Variants in NTM observed in about 807,000 individuals in gnomAD.
NTM encodes the protein neurotrimin, also known as IgLON family member 2.
In NTM, 13 loss-of-function variants were observed where a neutral mutation model predicts 42.1. The ratio of observed to expected loss-of-function variants is 0.31; its 90% CI spans 0.20 to 0.49. The LOEUF is 0.49. NTM is among the 20% of genes least tolerant of loss of function. The probability of loss-of-function intolerance (pLI) is 0.99; values close to 1 mark genes in which losing one functional copy is unlikely to be tolerated. For synonymous variants in NTM, 187 were observed against 179.2 expected (o/e 1.04, Z -0.35); for missense variants, 373 against 452.8 (o/e 0.82, Z 1.60).
chr11:131,530,449 A>C (rs1591953402), intron 1 of NTM, among the ~76,000 whole-genome samples: 1 of 147,990 alleles, frequency 6.8e-6, no homozygotes, highest in African/African-American at 2.6e-5. Context: ...AAAAAGACTG[A>C]CCAGTTCTTT....
Position 131,765,290 on chromosome 11 carries a change from C to A in NTM, c.83-146274C>A, listed in dbSNP as rs774350865. Among the ~76,000 whole-genome samples, 32 of 152,258 alleles carry A rather than the reference C, an allele frequency of 2.1e-4. 1 individual carries two copies. In the South Asian group the frequency reaches 3.5e-3, roughly 17 times the overall value. On this transcript the variant is annotated intron_variant, in intron 1 of 8. Transcript: ENST00000683400. ...TTGCTCTGAAAGTAAAACCAACCTC[C>A]TAAATCTAAATACCTTTATGATTTG...
chr11:131,749,532 C>G (rs1205973934), intron 1 of NTM, among the ~76,000 whole-genome samples: 1 of 152,212 alleles, frequency 6.6e-6, no homozygotes, highest in Admixed American at 6.5e-5. Flanking sequence ...ACCTTGATCC[C>G]TTAGCCCCTG....
At chr11:132,004,929 G>C (rs1299301467) in intron 2 of NTM, among the ~76,000 whole-genome samples, 4 of 152,154 alleles carry the variant, frequency 2.6e-5, no homozygotes, top group Non-Finnish European at 4.4e-5. Context: ...ATTTAGAATG[G>C]ATGATATTTG....
intron 3 of NTM, among the ~76,000 whole-genome samples, chr11:132,175,832 C>T (rs1003358212): frequency 3.9e-5 from 6 of 152,188 alleles, no homozygotes; most frequent in African/African-American, 1.4e-4. Flanking sequence ...CTACCCCCAC[C>T]TCATTCTATC....
chr11:132,268,763 G>T (rs1301277738), intron 4 of NTM, among the ~76,000 whole-genome samples: 1 of 151,798 alleles, frequency 6.6e-6, no homozygotes, highest in Non-Finnish European at 1.5e-5. Flanking sequence ...CTGAGCTAAT[G>T]CTAATATTTT....
At chr11:131,511,597 T>C (rs879399352) in intron 1 of NTM, among the ~76,000 whole-genome samples, 1 of 152,158 alleles carries the variant, frequency 6.6e-6, no homozygotes, top group Non-Finnish European at 1.5e-5. Context: ...ACCCCGAGGT[T>C]ATACATATTA....
chr11:132,314,424 C>G, intron 6 of NTM, 128 bp from the exon 7 acceptor site: 1 of 1,021,842 alleles, frequency 9.8e-7, no homozygotes, highest in Non-Finnish European at 1.4e-6. Flanking sequence ...TTGAGTGGAT[C>G]AAATAATGGT....
At chr11:131,696,297 G>A (rs910581476) in intron 1 of NTM, among the ~76,000 whole-genome samples, 6 of 152,112 alleles carry the variant, frequency 3.9e-5, no homozygotes, top group African/African-American at 7.2e-5. Flanking sequence ...GTGCAAGTCC[G>A]GGAAAACAAG....
At chr11:132,332,811 C>G (rs905567987) in intron 8 of NTM, 1 of 152,258 alleles carries the variant, frequency 6.6e-6, no homozygotes. Context: ...CTGTGGCATT[C>G]TCCTCCCTGG....
At chr11:131,635,076 C>T (rs1488472700) in intron 1 of NTM, among the ~76,000 whole-genome samples, 1 of 152,144 alleles carries the variant, frequency 6.6e-6, no homozygotes, top group Non-Finnish European at 1.5e-5. Flanking sequence ...CTTGCTATTG[C>T]CTAGTGCTGT....
At chr11:131,858,334 C>T (rs1328449687) in intron 1 of NTM, among the ~76,000 whole-genome samples, 1 of 151,958 alleles carries the variant, frequency 6.6e-6, no homozygotes, top group East Asian at 1.9e-4. Flanking sequence ...CCCGCCCCCA[C>T]CCATGCACAT....
chr11:131,824,934 C>T (rs988224699), intron 1 of NTM, among the ~76,000 whole-genome samples: 9 of 152,170 alleles, frequency 5.9e-5, no homozygotes, highest in African/African-American at 2.2e-4. Flanking sequence ...AGAAGGAACA[C>T]GGCATGTACG....
intron 3 of NTM, among the ~76,000 whole-genome samples, chr11:132,208,839 C>A (rs558808648): frequency 6.6e-6 from 1 of 152,096 alleles, no homozygotes; most frequent in Non-Finnish European, 1.5e-5. Flanking sequence ...ATGGCATTGG[C>A]GTGACATAAT....
At chr11:131,470,704 C>T (rs1356881287) in intron 1 of NTM, among the ~76,000 whole-genome samples, 1 of 152,258 alleles carries the variant, frequency 6.6e-6, no homozygotes, top group East Asian at 1.9e-4. Flanking sequence ...GGCTCACAGG[C>T]ACATGAGCAG....
intron 1 of NTM, chr11:131,540,832 T>G (rs1025251079): frequency 1.2e-4 from 18 of 152,186 alleles, no homozygotes; most frequent in African/African-American, 4.3e-4. Context: ...GAATTGCATT[T>G]TCTAGCTTCT....
Position 132,159,028 on chromosome 11 carries a change from G to A in NTM, c.400+12514G>A, listed in dbSNP as rs534176909. 3.0e-4 allele frequency among the ~76,000 whole-genome samples: 46 copies of A among 152,314 alleles called. 1 individual carries two copies. Among genetic ancestry groups the A allele is most frequent in the African/African-American group, 5.5e-4 (23 of 41,558 alleles). On this transcript the variant is annotated intron_variant, in intron 3 of 8. Transcript: ENST00000683400. ...GAGGGGATGGGGAATTATAGGAAGGGTTGAACAGGGAAATTAAATTAGTTG... is the reference window on the plus strand; with the variant it reads ...GAGGGGATGGGGAATTATAGGAAGGATTGAACAGGGAAATTAAATTAGTTG...
chr11:131,713,803 C>A lies in NTM; in HGVS notation c.83-197761C>A, dbSNP rs575288170. Among the ~76,000 whole-genome samples, 27 of 152,264 alleles carry A rather than the reference C, an allele frequency of 1.8e-4. 1 individual carries two copies. The South Asian group carries it at 5.4e-3, about 30-fold the overall frequency. The stretch of plus-strand genomic sequence containing the variant: ...GGGCATAAGGCAGGAGAGACCGATG[C>A]AAGTTTTACAGCAGGAGTGAAAGTT... On this transcript the variant is annotated intron_variant, in intron 1 of 8. Transcript: ENST00000683400.
At chr11:131,730,901 C>G (rs1176905632) in intron 1 of NTM, among the ~76,000 whole-genome samples, 2 of 152,050 alleles carry the variant, frequency 1.3e-5, no homozygotes, top group East Asian at 3.9e-4. Context: ...AGGTCATTGC[C>G]AGCTCCAGGA....
rs577148509 is a variant in NTM at position 131,416,753 on chromosome 11, G to T, written c.82+45865G>T. Among the ~76,000 whole-genome samples, 4 of 152,280 alleles carry T rather than the reference G, an allele frequency of 2.6e-5. No individual in the cohort carries two copies. In the East Asian group the frequency reaches 7.7e-4, roughly 29 times the overall value. On this transcript the variant is annotated intron_variant, in intron 1 of 8. Transcript: ENST00000683400. ...ACTTGATTTAAAAATCAAAGGAACA[G>T]ATTTAAAGTCTTGTTTTTGATATAA...
Sources: allele counts gnomAD v4.1 joint callset (sites outside exome capture counted in the v4.1 genomes callset), GRCh38; gene constraint gnomAD v4.1.1; transcripts MANE v1.5; gene names NCBI Gene and HGNC (gene_info 2026-07-23, HGNC 2026-07-21).